Variants in NCAPD3 observed in about 807,000 individuals in gnomAD.
The protein encoded by NCAPD3 is condensin-2 complex subunit D3.
NCAPD3 carries 105 observed loss-of-function variants against 182.9 expected under a neutral mutation model. The observed-to-expected ratio is 0.57, with a 90% CI of 0.49 to 0.68. The LOEUF (loss-of-function observed/expected upper bound fraction) is 0.68. Among genes scored for constraint, NCAPD3 ranks in the 30% least tolerant of loss-of-function variants. The pLI is 0.00. For missense variants in NCAPD3, 1,944 were observed against 1,837.0 expected, an observed-to-expected ratio of 1.06 and a Z score of -1.07; for synonymous variants, 815 against 679.9, an observed-to-expected ratio of 1.20 and a Z score of -3.09.
At position 134,182,353 on chromosome 11, in the gene NCAPD3, T is replaced by G. The variant is rs908151844; in HGVS notation, c.2452-1169A>C. Among the ~76,000 whole-genome samples the G allele has an allele frequency of 2.6e-5, 4 of 152,244 alleles. No individual in the cohort carries two copies. In the South Asian group the frequency reaches 8.3e-4, roughly 32 times the overall value. On this transcript the variant is annotated intron_variant, in intron 19 of 34. Transcript: ENST00000534548. Reference sequence around the variant, plus strand: ...GTTTTCTCTGCAGTTCACCAAAATTTATAATTTCCATTCATTGGTCCAGAT... The same window carrying G: ...GTTTTCTCTGCAGTTCACCAAAATTGATAATTTCCATTCATTGGTCCAGAT...
chr11:134,168,718 A>AGATC, intron 25 of NCAPD3, 116 bp from the exon 26 acceptor site: 5 of 1,441,822 alleles, frequency 3.5e-6, no homozygotes, highest in Admixed American at 1.9e-5. Flanking sequence ...TGCACTACAG[A>AGATC]GATCCCAGTG....
Position 134,158,028 on chromosome 11 carries a change from G to C in NCAPD3, c.4074C>G (p.Val1358=). The change falls in exon 31 of 35, where the codon GTC becomes GTG. Residue 1358 remains valine (V), a synonymous_variant. Transcript: ENST00000534548. ...TGCTCTTTGACTCCACGGCTTTCTT[G>C]ACAGAATTCAGGATTGCAATGGTGC... ...SLSTIAILNS[V]KKAVESKSRH... 3.1e-6 allele frequency: 5 copies of C among 1,614,132 alleles called. No homozygotes were observed. The highest frequency in any genetic ancestry group is 4.2e-6 in the Non-Finnish European group (5 of 1,180,022).
rs1014659753 is a variant in NCAPD3, at chr11:134,203,829, G to A, written c.1293C>T (p.Leu431=). 2 of 1,614,192 alleles carry A rather than the reference G, an allele frequency of 1.2e-6. No individual in the cohort carries two copies. The highest frequency in any genetic ancestry group is 1.3e-5 in the African/African-American group (1 of 75,044). The change falls in exon 11 of 35, where the codon CTC becomes CTT. Residue 431 remains leucine (L), a synonymous_variant. Transcript: ENST00000534548. ...TTAAGAACTTCTGATGCTCCAAGGA[G>A]AGGGTGTTATCCACCTCTCTTTCAG... The part of the protein sequence containing the change: ...ELPEREVDNT[L]SLEHQKFLKH...
intron 3 of NCAPD3, among the ~76,000 whole-genome samples, chr11:134,212,530 C>A (rs1451552701): frequency 6.6e-6 from 1 of 151,786 alleles, no homozygotes; most frequent in Non-Finnish European, 1.5e-5. Flanking sequence ...GAGTAGCATG[C>A]GTTACCACAT....
intron 24 of NCAPD3, among the ~76,000 whole-genome samples, chr11:134,171,997 C>G (rs1215763538): frequency 6.6e-6 from 1 of 152,138 alleles, no homozygotes; most frequent in Non-Finnish European, 1.5e-5. Flanking sequence ...AACAACAAAA[C>G]CAAACTCATG....
chr11:134,208,645 T>G (rs2136018126), intron 7 of NCAPD3, among the ~76,000 whole-genome samples: 1 of 152,314 alleles, frequency 6.6e-6, no homozygotes, highest in South Asian at 2.1e-4. Context: ...TAACAATAAT[T>G]TGCTGCAGCC....
rs956594077 is a variant in NCAPD3, at chr11:134,158,551, C to G, written c.3868-56G>C. On this transcript the variant is annotated intron_variant, in intron 29 of 34. Coordinates refer to ENST00000534548, the MANE Select transcript of NCAPD3 (RefSeq NM_015261.3). ...CTAATACTTTTTAAGTTTTCAAAAACGGATATATGATAGTTGTACATGGTT... is the reference window on the plus strand; with the variant it reads ...CTAATACTTTTTAAGTTTTCAAAAAGGGATATATGATAGTTGTACATGGTT... The G allele has an allele frequency of 1.5e-5, 23 of 1,543,174 alleles. No homozygotes were observed. The Middle Eastern group carries it at 8.5e-4, about 57-fold the overall frequency.
At chr11:134,180,667 T>C (rs1944276519) in intron 20 of NCAPD3, among the ~76,000 whole-genome samples, 1 of 152,204 alleles carries the variant, frequency 6.6e-6, no homozygotes, top group Non-Finnish European at 1.5e-5. Flanking sequence ...GTTCCCCAGT[T>C]CTACTGTCTG....
chr11:134,171,591 T>G (rs1944007122), intron 24 of NCAPD3, among the ~76,000 whole-genome samples: 1 of 152,142 alleles, frequency 6.6e-6, no homozygotes, highest in African/African-American at 2.4e-5. Context: ...ATACCAGAAT[T>G]CTACCTGAGG....
intron 29 of NCAPD3, 122 bp downstream of exon 29, chr11:134,159,770 G>C: frequency 4.7e-6 from 5 of 1,061,696 alleles, no homozygotes; most frequent in Non-Finnish European, 6.6e-6. Context: ...CAGCACTCTC[G>C]AGGCCTTCGG....
intron 4 of NCAPD3, 138 bp from the exon 5 acceptor site, chr11:134,209,615 G>T: frequency 1.4e-6 from 1 of 739,912 alleles, no homozygotes; most frequent in Non-Finnish European, 2.2e-6. Context: ...TGACCAGGTC[G>T]CATGACTGTT....
chr11:134,169,130 G>T, intron 24 of NCAPD3, 76 bp from the exon 25 acceptor site: 3 of 1,456,976 alleles, frequency 2.1e-6, no homozygotes, highest in Non-Finnish European at 2.8e-6. Flanking sequence ...CAAGAACTCT[G>T]CTGAGCAGAG....
At chr11:134,199,378 C>A (rs970841885) in intron 13 of NCAPD3, among the ~76,000 whole-genome samples, 1 of 152,118 alleles carries the variant, frequency 6.6e-6, no homozygotes, top group African/African-American at 2.4e-5. Flanking sequence ...GTCTCTGGAC[C>A]CTTATCAGCC....
In NCAPD3 at chr11:134,183,820, A is replaced by G. The variant is rs559696026; in HGVS notation, c.2451+817T>C. 2.0e-5 allele frequency among the ~76,000 whole-genome samples: 3 copies of G among 152,330 alleles called. No homozygotes were observed. The South Asian group carries it at 6.2e-4, about 32-fold the overall frequency. On this transcript the variant is annotated intron_variant, in intron 19 of 34. Coordinates refer to ENST00000534548, the MANE Select transcript of NCAPD3 (RefSeq NM_015261.3). Reference sequence around the variant, plus strand: ...CTTAAGGAAGGGCTTTCTCTAATGAACTTGGTCAAGAAAAGGAAACACAGG... The same window carrying G: ...CTTAAGGAAGGGCTTTCTCTAATGAGCTTGGTCAAGAAAAGGAAACACAGG...
intron 32 of NCAPD3, among the ~76,000 whole-genome samples, chr11:134,155,397 C>G (rs553750761): frequency 5.5e-4 from 84 of 152,222 alleles, no homozygotes; most frequent in Admixed American, 1.4e-3. Context: ...AAGGGGAGAC[C>G]TCCAGGCATT....
intron 32 of NCAPD3, among the ~76,000 whole-genome samples, chr11:134,154,978 C>T (rs1472640116): frequency 6.6e-6 from 1 of 152,184 alleles, no homozygotes; most frequent in East Asian, 1.9e-4. Context: ...GACACACACA[C>T]TGCTCTTCCT....
chr11:134,210,499 T>C, intron 3 of NCAPD3, 45 bp from the exon 4 acceptor site: 1 of 1,511,820 alleles, frequency 6.6e-7, no homozygotes, highest in Non-Finnish European at 9.1e-7. Context: ...TTTAATTGTC[T>C]TGAAATATAT....
chr11:134,150,176 G>A lies in NCAPD3; in HGVS notation c.*2768C>T, dbSNP rs1294915169. On this transcript the variant is annotated 3_prime_UTR_variant, in exon 35 of 35. Transcript: ENST00000534548. ...CACAAGTTTTAGCCTTTTTCACAAG[G>A]GAACTCATACTGTCTACACATCAGA... is the stretch of plus-strand genomic sequence containing the variant. The A allele has an allele frequency of 6.5e-6, 1 of 153,674 alleles. No individual in the cohort carries two copies. Among genetic ancestry groups the A allele is most frequent in the East Asian group, 1.9e-4 (1 of 5,218 alleles). 9.5% of individuals were successfully genotyped at this position (153,674 alleles called of 1,614,324 possible).
chr11:134,159,744 G>A (rs974490076), intron 29 of NCAPD3, 148 bp downstream of exon 29: 11 of 788,210 alleles, frequency 1.4e-5, no homozygotes, highest in Admixed American at 2.9e-5. Flanking sequence ...AAAGGCACGA[G>A]GGAGTGGCCA....
Sources: allele counts gnomAD v4.1 joint callset (sites outside exome capture counted in the v4.1 genomes callset), GRCh38; gene constraint gnomAD v4.1.1; transcripts MANE v1.5; gene names NCBI Gene and HGNC (gene_info 2026-07-23, HGNC 2026-07-21).